Variants in FBLN2 observed in about 807,000 individuals in gnomAD.
The protein encoded by FBLN2 is fibulin-2.
A neutral mutation model predicts 123.7 loss-of-function variants in FBLN2; 81 were observed. The ratio of observed to expected loss-of-function variants is 0.65; its 90% CI spans 0.55 to 0.79. The LOEUF is 0.79. Among genes scored for constraint, FBLN2 ranks in the 30% least tolerant of loss-of-function variants. The pLI, the probability that FBLN2 is intolerant of heterozygous loss-of-function variation, is 0.00. For missense variants in FBLN2, 1,603 were observed against 1,681.3 expected, an observed-to-expected ratio of 0.95 and a Z score of 0.81; for synonymous variants, 699 against 701.4, an observed-to-expected ratio of 1.00 and a Z score of 0.05.
Position 13,637,710 on chromosome 3 carries a change from A to G in FBLN2, c.3487A>G (p.Thr1163Ala). The change falls in exon 18 of 18, where the codon ACC becomes GCC. Residue 1163 changes from threonine (T) to alanine (A), a missense_variant. Coordinates refer to ENST00000404922, the MANE Select transcript of FBLN2 (RefSeq NM_001004019.2). ...IGPAPAFTGD[T>A]IALNIIKGNE... ...CCCCGCGCCAGCCTTCACGGGGGAC[A>G]CCATCGCCCTGAACATCATCAAGGG... 6.2e-7 allele frequency: 1 copy of G among 1,613,990 alleles called. No individual in the cohort carries two copies. Among genetic ancestry groups the G allele is most frequent in the Non-Finnish European group, 8.5e-7 (1 of 1,179,874 alleles).
chr3:13,587,959 A>G (rs960731841), intron 2 of FBLN2, among the ~76,000 whole-genome samples: 5 of 152,200 alleles, frequency 3.3e-5, no homozygotes, highest in African/African-American at 1.2e-4. Flanking sequence ...CCTAAAATGT[A>G]CAAAACCAAG....
chr3:13,571,232 A>G lies in FBLN2; in HGVS notation c.877A>G (p.Thr293Ala), dbSNP rs1351727435. 1 of 1,569,372 alleles carries G rather than the reference A, an allele frequency of 6.4e-7. No homozygotes were observed. The change falls in exon 2 of 18, where the codon ACT becomes GCT. Residue 293 changes from threonine to alanine, a missense_variant. Thr to Ala is a moderately conservative substitution (Grantham distance 58). Transcript: ENST00000404922. ...GGAGGAGAGAGAGGAAATGGCTGTC[A>G]CTGAGCAGCTGGCAGCAGGTGGCCA... The part of the protein sequence containing the change: ...EEEEREEMAV[T>A]EQLAAGGHRG...
At chr3:13,556,596 C>A (rs1357633061) in intron 1 of FBLN2, among the ~76,000 whole-genome samples, 1 of 152,214 alleles carries the variant, frequency 6.6e-6, no homozygotes, top group Non-Finnish European at 1.5e-5. Context: ...CACTGTAACA[C>A]CAGCTGCCAG....
At chr3:13,609,049 G>T (rs1705300298) in intron 3 of FBLN2, among the ~76,000 whole-genome samples, 1 of 152,232 alleles carries the variant, frequency 6.6e-6, no homozygotes, top group Non-Finnish European at 1.5e-5. Flanking sequence ...TTCAGGGGGT[G>T]CTGAGCCCTG....
At chr3:13,601,082 A>G (rs1186198380) in intron 2 of FBLN2, among the ~76,000 whole-genome samples, 1 of 152,224 alleles carries the variant, frequency 6.6e-6, no homozygotes, top group Non-Finnish European at 1.5e-5. Context: ...TCTGTGAAAT[A>G]GGAATGCTGA....
rs763522125 is a variant in FBLN2 at position 13,618,947 on chromosome 3, G to A, written c.1983G>A (p.Leu661=). The A allele has an allele frequency of 2.9e-5, 46 of 1,613,382 alleles. No individual in the cohort carries two copies. In the Middle Eastern group the frequency reaches 4.9e-4, roughly 17 times the overall value. The stretch of plus-strand genomic sequence containing the variant: ...CGGAAGCCCCACAGGAGCCTGCACT[G>A]AAGTCAGAATTTTCCCAGGTGGCCT... ...PQPEAPQEPA[L]KSEFSQVASN... The change falls in exon 7 of 18, where the codon CTG becomes CTA. Residue 661 remains leucine, a synonymous_variant. Transcript: ENST00000404922.
At chr3:13,626,252 G>A (rs1706032471) in intron 9 of FBLN2, among the ~76,000 whole-genome samples, 193 bp from the exon 10 acceptor site, 1 of 152,222 alleles carries the variant, frequency 6.6e-6, no homozygotes, top group Non-Finnish European at 1.5e-5. Flanking sequence ...TTGGTGCATA[G>A]CAGGTGCTCA....
chr3:13,634,062 T>G (rs906680205), intron 16 of FBLN2, among the ~76,000 whole-genome samples: 35 of 151,010 alleles, frequency 2.3e-4, no homozygotes, highest in Admixed American at 1.6e-3. Flanking sequence ...TGCCACTCGA[T>G]GGGGCAGGCC....
intron 1 of FBLN2, among the ~76,000 whole-genome samples, chr3:13,551,486 G>A (rs1703321274): frequency 6.6e-6 from 1 of 152,202 alleles, no homozygotes; most frequent in South Asian, 2.1e-4. Flanking sequence ...AGACGGGGAA[G>A]GGGAGGTAGA....
chr3:13,578,824 G>A (rs932847163), intron 2 of FBLN2, among the ~76,000 whole-genome samples: 1 of 152,154 alleles, frequency 6.6e-6, no homozygotes, highest in Admixed American at 6.6e-5. Flanking sequence ...GGAGGCTGAG[G>A]CAGACAGATC....
rs368476825 is a variant in FBLN2, at chr3:13,629,281, G to A, written c.2831G>A (p.Arg944Gln). 30 of 1,608,934 alleles carry A rather than the reference G, an allele frequency of 1.9e-5. No individual in the cohort carries two copies. Among genetic ancestry groups the A allele is most frequent in the African/African-American group, 6.7e-5 (5 of 74,948 alleles). The change falls in exon 13 of 18, where the codon CGG becomes CAG. Residue 944 changes from arginine to glutamine, a missense_variant. Physicochemically the swap from Arg to Gln is conservative, Grantham distance 43. Coordinates refer to ENST00000404922, the MANE Select transcript of FBLN2 (RefSeq NM_001004019.2). ...KAGFQRDAFGRGCIDVNECWA... is the reference protein window; with the variant it reads ...KAGFQRDAFGQGCIDVNECWA... ...GGCTTTCAGCGGGATGCCTTTGGCC[G>A]GGGCTGCATCGGTAGGTAGGCTGGT...
chr3:13,609,685 G>GCC, intron 4 of FBLN2, 43 bp downstream of exon 4: 1 of 957,246 alleles, frequency 1.0e-6, no homozygotes, highest in Non-Finnish European at 1.5e-6. Context: ...GGGGTGGGGC[G>GCC]GGGCGGGAGG....
intron 2 of FBLN2, among the ~76,000 whole-genome samples, chr3:13,588,329 G>A (rs564036257): frequency 4.7e-4 from 71 of 152,338 alleles, no homozygotes; most frequent in African/African-American, 1.7e-3. Flanking sequence ...ACACTCTTAT[G>A]TCCTCACACG....
chr3:13,609,403 T>C lies in FBLN2; in HGVS notation c.1419-110T>C, dbSNP rs974658165. On this transcript the variant is annotated intron_variant, in intron 3 of 17. Transcript: ENST00000404922. ...TGCCGGCTCTGCCACCTGCACCGGC[T>C]CCCTTGCTGTGGACCTTGGGCAGAG... The C allele has an allele frequency of 1.4e-5, 18 of 1,276,702 alleles. No homozygotes were observed. In the African/African-American group the frequency reaches 2.6e-4, roughly 19 times the overall value. 79.1% of individuals were successfully genotyped at this position (1,276,702 alleles called of 1,614,324 possible).
chr3:13,629,415 C>T, intron 13 of FBLN2, 123 bp downstream of exon 13: 1 of 1,324,962 alleles, frequency 7.5e-7, no homozygotes, highest in East Asian at 2.5e-5. Flanking sequence ...CTGGAGTCCA[C>T]AAGGTCGCCT....
At chr3:13,613,823 TG>T in intron 4 of FBLN2, 160 bp from the exon 5 acceptor site, 1 of 667,996 alleles carries the variant, frequency 1.5e-6, no homozygotes, top group South Asian at 2.4e-5. Flanking sequence ...GTGCCAGACT[TG>T]GGAAATAGAG....
At chr3:13,636,385 GA>G (rs1706469406) in intron 16 of FBLN2, 59 bp from the exon 17 acceptor site, 1 of 1,595,472 alleles carries the variant, frequency 6.3e-7, no homozygotes, top group South Asian at 1.1e-5. Flanking sequence ...GCAGGCTGGG[GA>G]GTTTCAGGCT....
At chr3:13,620,815 G>A (rs186147928) in intron 8 of FBLN2, among the ~76,000 whole-genome samples, 105 of 152,322 alleles carry the variant, frequency 6.9e-4, no homozygotes, top group African/African-American at 2.1e-3. Flanking sequence ...CTGAAAGCCC[G>A]TGTCCATCCC....
chr3:13,594,738 C>T (rs1251875469), intron 2 of FBLN2, among the ~76,000 whole-genome samples: 2 of 152,168 alleles, frequency 1.3e-5, no homozygotes, highest in Non-Finnish European at 2.9e-5. Context: ...AGCTGGCTTT[C>T]AGGTGACACT....
Sources: gnomAD v4.1 joint callset for allele counts (sites outside exome capture counted in the v4.1 genomes callset) on GRCh38, gnomAD v4.1.1 for gene constraint, MANE v1.5 for transcripts, NCBI Gene and HGNC (gene_info 2026-07-23, HGNC 2026-07-21) for gene names.